The following DIXDC1 variants were observed in gnomAD, a reference collection of about 807,000 sequenced individuals.
The protein encoded by DIXDC1 is dixin.
In DIXDC1, 64 loss-of-function variants were observed where a neutral mutation model predicts 103.1. The ratio of observed to expected loss-of-function variants is 0.62; its 90% CI spans 0.51 to 0.76. The LOEUF (loss-of-function observed/expected upper bound fraction) is 0.76, where lower values mean the gene tolerates loss of function less well. Ranked by LOEUF, DIXDC1 falls within the 30% of genes least tolerant of loss-of-function variation. The pLI, the probability that DIXDC1 is intolerant of heterozygous loss-of-function variation, is 0.00. For synonymous variants in DIXDC1, 266 were observed against 298.5 expected (o/e 0.89, Z 1.12); for missense variants, 759 against 834.2 (o/e 0.91, Z 1.11).
intron 1 of DIXDC1, among the ~76,000 whole-genome samples, chr11:111,956,438 G>A (rs1555170570): frequency 6.6e-6 from 1 of 151,998 alleles, no homozygotes; most frequent in East Asian, 1.9e-4. Context: ...ATGAATGAAG[G>A]TATCCTAATG....
At chr11:111,986,495 G>C (rs1860495895) in intron 8 of DIXDC1, among the ~76,000 whole-genome samples, 1 of 151,810 alleles carries the variant, frequency 6.6e-6, no homozygotes, top group Admixed American at 6.6e-5. Context: ...CTCCCAAGCA[G>C]CTGGGATTAC....
upstream of DIXDC1, among the ~76,000 whole-genome samples, chr11:111,936,845 A>AGTGTGTGTGTGTGTGTGTGTGT (rs57332873): frequency 7.1e-6 from 1 of 140,758 alleles, no homozygotes; most frequent in African/African-American, 2.6e-5. Context: ...TTAAGTTAGC[A>AGTGTGTGTGTGTGTGTGTGTGT]GTGTGTGTGT....
At chr11:111,951,411 G>A (rs1273965468) in intron 1 of DIXDC1, among the ~76,000 whole-genome samples, 2 of 152,040 alleles carry the variant, frequency 1.3e-5, no homozygotes, top group Non-Finnish European at 2.9e-5. Context: ...TACACCTACT[G>A]TATACCTATA....
intron 17 of DIXDC1, among the ~76,000 whole-genome samples, chr11:112,010,389 T>G (rs587725753): frequency 2.6e-4 from 40 of 152,330 alleles, no homozygotes; most frequent in African/African-American, 8.9e-4. Context: ...CAAGGTAATT[T>G]ATAGATTCAA....
chr11:112,006,203 T>A (rs1861232456), intron 17 of DIXDC1, among the ~76,000 whole-genome samples: 1 of 152,178 alleles, frequency 6.6e-6, no homozygotes. Context: ...AGTCAGAGAT[T>A]GAACTGCGAG....
intron 1 of DIXDC1, among the ~76,000 whole-genome samples, chr11:111,943,048 C>T (rs1474331473): frequency 1.3e-5 from 2 of 152,170 alleles, no homozygotes; most frequent in Admixed American, 6.5e-5. Context: ...GGATGAGTCA[C>T]GTCTTGGGTG....
rs1555175580 is a variant in DIXDC1, at chr11:111,998,051, T to C, written c.1756+1905T>C. 6.6e-6 allele frequency among the ~76,000 whole-genome samples: 1 copy of C among 152,248 alleles called. No individual in the cohort carries two copies. On this transcript the variant is annotated intron_variant, in intron 17 of 19. Transcript: ENST00000440460. The surrounding 1 kb of genome is among the most constrained non-coding windows in gnomAD (Gnocchi z 4.1). ...TATCTGTTACTTTGCTTAGTGTTCTTCTTGTTGGGTCTCTGTTGACTTTCT... is the reference window on the plus strand; with the variant it reads ...TATCTGTTACTTTGCTTAGTGTTCTCCTTGTTGGGTCTCTGTTGACTTTCT...
intron 1 of DIXDC1, among the ~76,000 whole-genome samples, chr11:111,951,798 C>T (rs1477647418): frequency 2.0e-5 from 3 of 152,006 alleles, no homozygotes; most frequent in African/African-American, 7.3e-5. Flanking sequence ...TAAAATGTGA[C>T]TTGCTCCTCC....
rs1464355058 is a variant in DIXDC1, at chr11:111,998,570, G to C, written c.1756+2424G>C. 1.3e-5 allele frequency among the ~76,000 whole-genome samples: 2 copies of C among 152,138 alleles called. No homozygotes were observed. The highest frequency in any genetic ancestry group is 2.9e-5 in the Non-Finnish European group (2 of 68,028). On this transcript the variant is annotated intron_variant, in intron 17 of 19. Coordinates refer to ENST00000440460, the MANE Select transcript of DIXDC1 (RefSeq NM_001037954.4). The surrounding 1 kb of genome is among the most constrained non-coding windows in gnomAD (Gnocchi z 4.1). ...TTATTTTTATTTACTTTGAGACAGA[G>C]TCTCGCTCTGTTGCCCAGGCTGGAG...
At chr11:111,954,074 C>G (rs1393256943) in intron 1 of DIXDC1, among the ~76,000 whole-genome samples, 1 of 152,046 alleles carries the variant, frequency 6.6e-6, no homozygotes, top group Non-Finnish European at 1.5e-5. Flanking sequence ...TGAGGTGATT[C>G]ACACACATTA....
chr11:111,990,194 G>A (rs1592603305), intron 10 of DIXDC1, among the ~76,000 whole-genome samples: 1 of 147,742 alleles, frequency 6.8e-6, no homozygotes, highest in African/African-American at 2.5e-5. Context: ...GGGTTCAAGC[G>A]ATTCTCCTGC....
chr11:111,966,655 G>A (rs1020526376), intron 2 of DIXDC1, among the ~76,000 whole-genome samples: 23 of 151,976 alleles, frequency 1.5e-4, no homozygotes, highest in African/African-American at 2.7e-4. Context: ...TGCCTGCCTC[G>A]GCCTCCCACA....
chr11:111,942,761 C>T (rs186894544), intron 1 of DIXDC1, among the ~76,000 whole-genome samples: 4 of 152,160 alleles, frequency 2.6e-5, no homozygotes, highest in African/African-American at 9.6e-5. Flanking sequence ...ATCTTTTGAC[C>T]ACTGGGCTGA....
chr11:111,940,084 A>G (rs1472512473), intron 1 of DIXDC1, among the ~76,000 whole-genome samples: 1 of 152,178 alleles, frequency 6.6e-6, no homozygotes, highest in Admixed American at 6.5e-5. Flanking sequence ...CTTTGGCCTT[A>G]ATTGGTTAAT....
chr11:111,949,581 C>G (rs1468730001), intron 1 of DIXDC1, among the ~76,000 whole-genome samples: 5 of 152,228 alleles, frequency 3.3e-5, no homozygotes, highest in African/African-American at 9.6e-5. Flanking sequence ...GCTGTTCTTT[C>G]TATTCCAAGA....
chr11:111,942,374 G>T (rs587764529), intron 1 of DIXDC1, among the ~76,000 whole-genome samples: 5 of 152,332 alleles, frequency 3.3e-5, no homozygotes, highest in African/African-American at 7.2e-5. Context: ...TGGCCTTGTT[G>T]TCTAGGCTGT....
intron 17 of DIXDC1, among the ~76,000 whole-genome samples, chr11:112,011,504 G>A (rs1224529330): frequency 3.3e-5 from 5 of 152,088 alleles, no homozygotes; most frequent in Admixed American, 6.5e-5. Context: ...ACATGCACAC[G>A]CATGTTTATT....
intron 3 of DIXDC1, among the ~76,000 whole-genome samples, chr11:111,969,031 G>C (rs1859824269): frequency 6.6e-6 from 1 of 151,712 alleles, no homozygotes. Flanking sequence ...GCCTCGCCTT[G>C]GCCTCCCAAA....
intron 17 of DIXDC1, among the ~76,000 whole-genome samples, chr11:112,014,888 CT>C (rs200874690): frequency 3.0e-3 from 431 of 143,964 alleles, no homozygotes; most frequent in Middle Eastern, 3.7e-3. Flanking sequence ...AATTGGCATT[CT>C]TTTTTTTTTT....
Sources: allele counts gnomAD v4.1 joint callset (sites outside exome capture counted in the v4.1 genomes callset), GRCh38; gene constraint gnomAD v4.1.1; non-coding constraint Gnocchi (gnomAD v3.1); transcripts MANE v1.5; gene names NCBI Gene and HGNC (gene_info 2026-07-23, HGNC 2026-07-21).